NAALADL2: variants seen among roughly 807,000 people sequenced by gnomAD.
NAALADL2 encodes inactive N-acetylated-alpha-linked acidic dipeptidase-like protein 2.
A neutral mutation model predicts 87.2 loss-of-function variants in NAALADL2; 76 were observed. That is an observed-to-expected ratio of 0.87 (90% CI 0.72 to 1.05). The LOEUF (loss-of-function observed/expected upper bound fraction) is 1.05, where lower values mean the gene tolerates loss of function less well. Ranked by LOEUF, NAALADL2 falls within the 50% of genes least tolerant of loss-of-function variation. NAALADL2 has a pLI of 0.00. For synonymous variants in NAALADL2, 354 were observed against 331.0 expected, an observed-to-expected ratio of 1.07 and a Z score of -0.75; for missense variants, 1,089 against 945.8, an observed-to-expected ratio of 1.15 and a Z score of -1.99.
chr3:174,606,333 G>A lies in NAALADL2; in HGVS notation c.-115+55696G>A, dbSNP rs527776519. Among the ~76,000 whole-genome samples the A allele has an allele frequency of 4.6e-5, 7 of 152,338 alleles. No individual in the cohort carries two copies. In the East Asian group the frequency reaches 5.8e-4, roughly 13 times the overall value. On this transcript the variant is annotated intron_variant, in intron 2 of 3. Transcript: ENST00000434257. ...AAGCTGGACGGAGAATGACTTTGACGAGTTGAGAGAAGAAGGCTTCAGACG... is the reference window on the plus strand; with the variant it reads ...AAGCTGGACGGAGAATGACTTTGACAAGTTGAGAGAAGAAGGCTTCAGACG...
intron 1 of NAALADL2, among the ~76,000 whole-genome samples, chr3:175,001,581 T>A (rs1038776384): frequency 2.6e-5 from 4 of 152,188 alleles, no homozygotes; most frequent in Admixed American, 2.0e-4. Context: ...CAGATAACTC[T>A]TTTCTTGACC....
At chr3:174,965,813 T>C (rs1579764876) in intron 1 of NAALADL2, among the ~76,000 whole-genome samples, 1 of 151,826 alleles carries the variant, frequency 6.6e-6, no homozygotes, top group South Asian at 2.1e-4. Context: ...CGGAGGGAAG[T>C]TGGGGTAATT....
intron 1 of NAALADL2, among the ~76,000 whole-genome samples, chr3:174,460,266 T>TTGTC (rs10662580): frequency 0.44 from 66,621 of 151,368 alleles, 15,858 homozygotes; most frequent in East Asian, 0.88. Context: ...TTTGGTTAGT[T>TTGTC]TGTTCATGTA....
intron 2 of NAALADL2, among the ~76,000 whole-genome samples, chr3:175,215,170 C>T (rs1742329258): frequency 6.6e-6 from 1 of 152,046 alleles, no homozygotes; most frequent in African/African-American, 2.4e-5. Flanking sequence ...TCTTCCTGAA[C>T]CTCGGTTTTC....
intron 5 of NAALADL2, among the ~76,000 whole-genome samples, chr3:175,420,165 T>C (rs1441390856): frequency 6.6e-6 from 1 of 152,002 alleles, no homozygotes; most frequent in African/African-American, 2.4e-5. Context: ...TGTATACCTT[T>C]ACTTTCATGA....
chr3:174,834,387 T>C (rs559409368), intron 3 of NAALADL2, among the ~76,000 whole-genome samples: 37 of 148,482 alleles, frequency 2.5e-4, no homozygotes, highest in Non-Finnish European at 4.3e-4. Context: ...CTACACAAGA[T>C]TGGGAATAGG....
chr3:174,505,284 T>C (rs1256513265), intron 1 of NAALADL2, among the ~76,000 whole-genome samples: 1 of 152,102 alleles, frequency 6.6e-6, no homozygotes, highest in African/African-American at 2.4e-5. Context: ...CAGAGTGAAA[T>C]GAAAAAATTG....
chr3:175,605,289 CAAT>C (rs1252575632), intron 10 of NAALADL2, among the ~76,000 whole-genome samples: 1 of 151,960 alleles, frequency 6.6e-6, no homozygotes, highest in African/African-American at 2.4e-5. Flanking sequence ...AAGTCTGTGG[CAAT>C]GATTTTTTAG....
intron 4 of NAALADL2, among the ~76,000 whole-genome samples, chr3:175,293,035 T>C (rs1755847395): frequency 6.1e-5 from 1 of 16,424 alleles, no homozygotes; most frequent in African/African-American, 8.0e-4. Context: ...AGACTCCGTC[T>C]CAAAAAAAAA....
intron 3 of NAALADL2, among the ~76,000 whole-genome samples, chr3:174,744,635 A>G (rs1386128593): frequency 1.3e-5 from 2 of 152,150 alleles, no homozygotes; most frequent in Non-Finnish European, 2.9e-5. Flanking sequence ...CTGCAAAACA[A>G]CAAAATATAC....
intron 1 of NAALADL2, among the ~76,000 whole-genome samples, chr3:174,906,693 C>G (rs1733009203): frequency 6.6e-6 from 1 of 152,096 alleles, no homozygotes; most frequent in African/African-American, 2.4e-5. Flanking sequence ...CAACAATTCC[C>G]CAACTGCAAC....
chr3:175,095,122 C>T (rs1196997987), intron 1 of NAALADL2, among the ~76,000 whole-genome samples: 2 of 151,966 alleles, frequency 1.3e-5, no homozygotes, highest in Non-Finnish European at 2.9e-5. Context: ...CCATAGAGTA[C>T]CACTCTAGGT....
intron 1 of NAALADL2, among the ~76,000 whole-genome samples, chr3:174,982,636 G>GT (rs1225153755): frequency 6.6e-6 from 1 of 152,062 alleles, no homozygotes; most frequent in Non-Finnish European, 1.5e-5. Flanking sequence ...ACTATATAAC[G>GT]TAAGTAAATT....
At chr3:175,416,097 G>A (rs1714588587) in intron 5 of NAALADL2, among the ~76,000 whole-genome samples, 1 of 151,558 alleles carries the variant, frequency 6.6e-6, no homozygotes, top group South Asian at 2.1e-4. Flanking sequence ...ACTCCAGTCT[G>A]GGCAACAGAG....
chr3:174,742,199 C>T (rs1006274361), intron 3 of NAALADL2, among the ~76,000 whole-genome samples: 1 of 151,390 alleles, frequency 6.6e-6, no homozygotes, highest in African/African-American at 2.4e-5. Context: ...TTATGGTGAG[C>T]CTATTATGTG....
intron 2 of NAALADL2, among the ~76,000 whole-genome samples, chr3:175,178,196 T>C (rs947430166): frequency 1.3e-5 from 2 of 151,982 alleles, no homozygotes; most frequent in African/African-American, 4.8e-5. Context: ...CTTTGGAACA[T>C]TATTTAATAC....
chr3:175,698,484 T>TAC, intron 11 of NAALADL2, among the ~76,000 whole-genome samples: 1 of 68,486 alleles, frequency 1.5e-5, no homozygotes, highest in African/African-American at 9.8e-5. Context: ...TATATATATT[T>TAC]ATATATATAT....
intron 11 of NAALADL2, among the ~76,000 whole-genome samples, chr3:175,715,469 A>T (rs1318138471): frequency 6.6e-6 from 1 of 152,178 alleles, no homozygotes; most frequent in African/African-American, 2.4e-5. Context: ...TTTTGCATAG[A>T]CATTGTAAAT....
intron 2 of NAALADL2, among the ~76,000 whole-genome samples, chr3:174,642,541 A>C (rs1723321466): frequency 6.7e-6 from 1 of 148,854 alleles, no homozygotes. Context: ...GTTGCCACAC[A>C]GGGTATCTAT....
Sources: allele counts gnomAD v4.1 joint callset (sites outside exome capture counted in the v4.1 genomes callset), GRCh38; gene constraint gnomAD v4.1.1; transcripts MANE v1.5; gene names NCBI Gene and HGNC (gene_info 2026-07-23, HGNC 2026-07-21).